Variants in POU1F1 observed in about 807,000 individuals in gnomAD.
POU1F1 encodes pituitary-specific positive transcription factor 1.
In POU1F1, 23 loss-of-function variants were observed where a neutral mutation model predicts 32.3. The observed-to-expected ratio is 0.71, with a 90% confidence interval of 0.51 to 1.01. POU1F1 has a LOEUF of 1.01. POU1F1 is among the 50% of genes least tolerant of loss of function. The probability of loss-of-function intolerance (pLI) is 0.00; values close to 1 mark genes in which losing one functional copy is unlikely to be tolerated. For synonymous variants in POU1F1, 120 were observed against 115.6 expected (o/e 1.04, Z -0.25); for missense variants, 323 against 341.6 (o/e 0.95, Z 0.43).
chr3:87,267,154 A>G (rs1441447164), intron 2 of POU1F1, among the ~76,000 whole-genome samples: 2 of 152,140 alleles, frequency 1.3e-5, no homozygotes, highest in Admixed American at 6.6e-5. Context: ...ATTATTTTCA[A>G]TTTCTCTTGC....
intron 3 of POU1F1, among the ~76,000 whole-genome samples, 199 bp from the exon 4 acceptor site, chr3:87,262,434 T>C (rs372495415): frequency 1.4e-4 from 21 of 152,352 alleles, no homozygotes; most frequent in African/African-American, 5.0e-4. Flanking sequence ...ATATTTCTTC[T>C]AGTTAATAAA....
At chr3:87,275,343 AC>A (rs1213151202) in intron 1 of POU1F1, among the ~76,000 whole-genome samples, 10 of 152,062 alleles carry the variant, frequency 6.6e-5, no homozygotes, top group Admixed American at 6.6e-4. Context: ...TGCCAAACTT[AC>A]GCATGTATTT....
chr3:87,266,358 TATAA>T (rs969528315), intron 2 of POU1F1, among the ~76,000 whole-genome samples: 21 of 147,212 alleles, frequency 1.4e-4, no homozygotes, highest in African/African-American at 5.1e-4. Context: ...AATGTGTAAT[TATAA>T]ATATATAATT....
chr3:87,268,084 C>CCTT (rs747971339), intron 2 of POU1F1, among the ~76,000 whole-genome samples: 11 of 116,448 alleles, frequency 9.4e-5, no homozygotes, highest in Admixed American at 2.1e-4. Flanking sequence ...TTCCCTTTCC[C>CCTT]TTTTTTTTTT....
At chr3:87,275,033 TGTATTA>T (rs1706800092) in intron 1 of POU1F1, among the ~76,000 whole-genome samples, 1 of 151,932 alleles carries the variant, frequency 6.6e-6, no homozygotes, top group African/African-American at 2.4e-5. Context: ...ACAGAAATAG[TGTATTA>T]TTCTCATTAT....
intron 1 of POU1F1, among the ~76,000 whole-genome samples, chr3:87,275,929 G>A (rs746167662): frequency 1.3e-5 from 2 of 151,970 alleles, no homozygotes; most frequent in South Asian, 4.2e-4. Context: ...TTTAACAACC[G>A]AATAAACCTT....
At chr3:87,274,200 G>A (rs970595513) in intron 1 of POU1F1, among the ~76,000 whole-genome samples, 17 of 151,948 alleles carry the variant, frequency 1.1e-4, no homozygotes, top group Admixed American at 2.0e-4. Flanking sequence ...AAACATAACC[G>A]TTCATAAATG....
At chr3:87,272,978 C>T (rs1185926022) in intron 2 of POU1F1, among the ~76,000 whole-genome samples, 1 of 152,078 alleles carries the variant, frequency 6.6e-6, no homozygotes, top group African/African-American at 2.4e-5. Context: ...TTTATTTTAC[C>T]TAGTTTACAT....
chr3:87,260,046 GAGA>G lies in POU1F1; in HGVS notation c.721_723del (p.Ser241del), dbSNP rs1457298383. On this transcript the variant is annotated inframe_deletion, in exon 6 of 6. Coordinates refer to ENST00000350375, the MANE Select transcript of POU1F1 (RefSeq NM_000306.4). ...TCTTCAGCCATCCTCATGATCTCTT[GAGA>G]AGAAGGTTTATTCTGTTCTCCAAAG... 3.7e-6 allele frequency: 6 copies of G among 1,613,942 alleles called. No individual in the cohort carries two copies. Among genetic ancestry groups the G allele is most frequent in the East Asian group, 2.2e-5 (1 of 44,856 alleles).
intron 4 of POU1F1, 137 bp downstream of exon 4, chr3:87,261,934 A>C: frequency 9.7e-7 from 1 of 1,032,138 alleles, no homozygotes. Flanking sequence ...GATATAACAA[A>C]ATGTTTATTT....
chr3:87,264,863 A>G (rs922401608), intron 2 of POU1F1, among the ~76,000 whole-genome samples: 1 of 152,072 alleles, frequency 6.6e-6, no homozygotes, highest in Non-Finnish European at 1.5e-5. Flanking sequence ...CTGAGGTTGA[A>G]CTCTAACCAG....
At chr3:87,267,787 G>T (rs1483320500) in intron 2 of POU1F1, among the ~76,000 whole-genome samples, 1 of 151,934 alleles carries the variant, frequency 6.6e-6, no homozygotes, top group Non-Finnish European at 1.5e-5. Context: ...TAAATTTTTT[G>T]CACAGACGGG....
intron 2 of POU1F1, among the ~76,000 whole-genome samples, chr3:87,265,594 G>C (rs1706604502): frequency 6.6e-6 from 1 of 151,634 alleles, no homozygotes; most frequent in Non-Finnish European, 1.5e-5. Context: ...CCATATCCAT[G>C]GGTTCTGCAT....
At chr3:87,266,724 G>A (rs948293819) in intron 2 of POU1F1, among the ~76,000 whole-genome samples, 6 of 151,820 alleles carry the variant, frequency 4.0e-5, no homozygotes, top group East Asian at 1.9e-4. Flanking sequence ...ATTTATTGCC[G>A]TGGGGTTTAT....
intron 2 of POU1F1, among the ~76,000 whole-genome samples, chr3:87,268,027 T>C (rs1287726034): frequency 6.6e-6 from 1 of 150,714 alleles, no homozygotes; most frequent in Admixed American, 6.6e-5. Flanking sequence ...AGGTTTGGCA[T>C]CCAGAACAAG....
intron 2 of POU1F1, among the ~76,000 whole-genome samples, chr3:87,267,349 A>G (rs969061999): frequency 6.6e-6 from 1 of 152,196 alleles, no homozygotes; most frequent in Admixed American, 6.5e-5. Context: ...CCAGTGCCCA[A>G]CGAATTAACT....
At chr3:87,270,416 C>G (rs1439961439) in intron 2 of POU1F1, among the ~76,000 whole-genome samples, 1 of 152,142 alleles carries the variant, frequency 6.6e-6, no homozygotes, top group African/African-American at 2.4e-5. Flanking sequence ...CTATTACGTA[C>G]AGTGGATTCA....
At chr3:87,261,003 C>T (rs185770660) in intron 5 of POU1F1, among the ~76,000 whole-genome samples, 204 of 151,896 alleles carry the variant, frequency 1.3e-3, no homozygotes, top group African/African-American at 4.3e-3. Context: ...CTCCGCCTCC[C>T]AGGTTCAAGC....
chr3:87,261,282 G>A lies in POU1F1; in HGVS notation c.656C>T (p.Thr219Ile). 1.3e-6 allele frequency: 2 copies of A among 1,579,110 alleles called. No individual in the cohort carries two copies. Among genetic ancestry groups the A allele is most frequent in the South Asian group, 2.3e-5 (2 of 88,534 alleles). The change falls in exon 5 of 6, where the codon ACA (threonine) becomes ATA (isoleucine). Residue 219 changes from threonine (T) to isoleucine (I), a missense_variant. By Grantham distance (89) the Thr-to-Ile change is moderately conservative. Coordinates refer to ENST00000350375, the MANE Select transcript of POU1F1 (RefSeq NM_000306.4). ...GANERKRKRR[T>I]TISIAAKDAL... The stretch of plus-strand genomic sequence containing the variant: ...TTAATATAAAGAATACCTTATAGTT[G>A]TTCTTCGTTTTCTTTTCCTTTCATT...
Sources: gnomAD v4.1 joint callset for allele counts (sites outside exome capture counted in the v4.1 genomes callset) on GRCh38, gnomAD v4.1.1 for gene constraint, MANE v1.5 for transcripts, NCBI Gene and HGNC (gene_info 2026-07-23, HGNC 2026-07-21) for gene names.